The following CFDP1 variants were observed in gnomAD, a reference collection of about 807,000 sequenced individuals.
The protein encoded by CFDP1 is chromatin remodeling protein CFDP1, also known as heterochromatin-stabilizing protein CFDP1.
A neutral mutation model predicts 40.1 loss-of-function variants in CFDP1; 31 were observed. The ratio of observed to expected loss-of-function variants is 0.77; its 90% CI spans 0.58 to 1.04. CFDP1 has a LOEUF of 1.04. CFDP1 is among the 50% of genes least tolerant of loss of function. CFDP1 has a pLI of 0.00. For missense variants in CFDP1, 423 were observed against 343.4 expected (o/e 1.23, Z -1.83); for synonymous variants, 167 against 120.0 (o/e 1.39, Z -2.56).
intron 5 of CFDP1, among the ~76,000 whole-genome samples, chr16:75,343,552 C>G (rs116966095): frequency 0.044 from 6,765 of 152,264 alleles, 191 homozygotes; most frequent in South Asian, 0.11. Flanking sequence ...AACAGCTAGG[C>G]CAATTCCCAG....
chr16:75,303,126 G>T (rs2078232440), intron 6 of CFDP1, among the ~76,000 whole-genome samples: 1 of 148,468 alleles, frequency 6.7e-6, no homozygotes, highest in Admixed American at 6.7e-5. Context: ...CTTGAACCCG[G>T]CAGGCAGAGG....
intron 5 of CFDP1, among the ~76,000 whole-genome samples, chr16:75,348,118 A>G (rs779637780): frequency 6.6e-6 from 1 of 152,114 alleles, no homozygotes; most frequent in Non-Finnish European, 1.5e-5. Context: ...ACCAATGTTA[A>G]TTTCTTTCTT....
chr16:75,413,552 C>CAA (rs9331624), intron 2 of CFDP1, among the ~76,000 whole-genome samples: 13 of 90,446 alleles, frequency 1.4e-4, no homozygotes, highest in South Asian at 3.8e-4. Context: ...GACTCTGTCT[C>CAA]AAAAAAAAAA....
At chr16:75,300,350 T>C (rs1042557311) in intron 6 of CFDP1, among the ~76,000 whole-genome samples, 2 of 152,176 alleles carry the variant, frequency 1.3e-5, no homozygotes, top group African/African-American at 4.8e-5. Flanking sequence ...TGCAACAGCA[T>C]GATCTTGGCT....
At position 75,422,488 on chromosome 16, in the gene CFDP1, G is replaced by A. The variant is rs556607087; in HGVS notation, c.65-7793C>T. Among the ~76,000 whole-genome samples, 22 of 148,710 alleles carry A rather than the reference G, an allele frequency of 1.5e-4. 1 individual carries two copies. Among genetic ancestry groups the A allele is most frequent in the African/African-American group, 3.8e-4 (15 of 39,958 alleles). ...GATCTTGGCTCACTACGATCCTCCC[G>A]GGTTCAAGTGATTCTCCTGCCTCAG... On this transcript the variant is annotated intron_variant, in intron 1 of 6. Transcript: ENST00000283882.
At chr16:75,302,293 CTCT>C (rs1165771377) in intron 6 of CFDP1, among the ~76,000 whole-genome samples, 6 of 152,110 alleles carry the variant, frequency 3.9e-5, no homozygotes, top group Non-Finnish European at 7.3e-5. Flanking sequence ...CAGGGTCTCA[CTCT>C]TTCACCCAAG....
chr16:75,309,160 C>G (rs538090916), intron 5 of CFDP1, among the ~76,000 whole-genome samples: 2 of 152,290 alleles, frequency 1.3e-5, no homozygotes, highest in African/African-American at 4.8e-5. Context: ...TGTGGGCTCC[C>G]TCAGGGTTCT....
intron 5 of CFDP1, among the ~76,000 whole-genome samples, chr16:75,340,271 A>C (rs2078517835): frequency 6.6e-6 from 1 of 152,210 alleles, no homozygotes; most frequent in Non-Finnish European, 1.5e-5. Flanking sequence ...GACATCACCA[A>C]CAATCAATCA....
At chr16:75,324,408 G>GA (rs1415801450) in intron 5 of CFDP1, among the ~76,000 whole-genome samples, 3 of 151,924 alleles carry the variant, frequency 2.0e-5, no homozygotes, top group African/African-American at 7.3e-5. Flanking sequence ...CTTGTGTTAT[G>GA]AAAAAAACTC....
chr16:75,404,683 A>G (rs952154315), intron 4 of CFDP1, among the ~76,000 whole-genome samples: 5 of 152,024 alleles, frequency 3.3e-5, no homozygotes, highest in African/African-American at 1.2e-4. Context: ...ACATTATGCA[A>G]TACAAATGGC....
chr16:75,412,506 G>T (rs2079171649), intron 3 of CFDP1, 29 bp downstream of exon 3: 3 of 1,511,466 alleles, frequency 2.0e-6, no homozygotes, highest in South Asian at 2.2e-5. Context: ...TTCTGGAGAG[G>T]CATTCACCTC....
At chr16:75,366,499 T>C (rs994888302) in intron 5 of CFDP1, among the ~76,000 whole-genome samples, 1 of 152,064 alleles carries the variant, frequency 6.6e-6, no homozygotes, top group Non-Finnish European at 1.5e-5. Flanking sequence ...GGCACACGCC[T>C]GTAATCCCAG....
Position 75,293,898 on chromosome 16 carries a change from C to T in CFDP1, c.*54G>A. 6.9e-7 allele frequency: 1 copy of T among 1,440,872 alleles called. No homozygotes were observed. Among genetic ancestry groups the T allele is most frequent in the Non-Finnish European group, 9.7e-7 (1 of 1,026,394 alleles). The allele number at this position is 1,440,872 out of a possible 1,614,324, so 89.3% of individuals were successfully genotyped here. On this transcript the variant is annotated 3_prime_UTR_variant, in exon 7 of 7. Coordinates refer to ENST00000283882, the MANE Select transcript of CFDP1 (RefSeq NM_006324.3). ...CACTGTAAAACATTTCACAGACGCA[C>T]AAAAAGCTCACATTGTAAACAGGAT...
intron 5 of CFDP1, among the ~76,000 whole-genome samples, chr16:75,316,982 C>CA (rs201585961): frequency 1.3e-5 from 2 of 150,854 alleles, no homozygotes; most frequent in African/African-American, 4.9e-5. Context: ...AACTCCGTCT[C>CA]AAAAAAAGAT....
intron 5 of CFDP1, among the ~76,000 whole-genome samples, chr16:75,309,947 C>G (rs1046213074): frequency 1.3e-5 from 2 of 152,092 alleles, no homozygotes; most frequent in African/African-American, 4.8e-5. Flanking sequence ...AGACCACTCT[C>G]CAGACAACAG....
At chr16:75,315,836 T>C (rs867643188) in intron 5 of CFDP1, among the ~76,000 whole-genome samples, 70 of 152,262 alleles carry the variant, frequency 4.6e-4, no homozygotes, top group African/African-American at 1.6e-3. Context: ...CAGTCCAATA[T>C]AAAGTCCAGG....
rs1403664424 is a variant in CFDP1 at position 75,399,080 on chromosome 16, G to C, written c.531-3871C>G. On this transcript the variant is annotated intron_variant, in intron 4 of 6. Coordinates refer to ENST00000283882, the MANE Select transcript of CFDP1 (RefSeq NM_006324.3). ...TCAAAAAAAAAAAAAAAAAAAAAAA[G>C]AAAACCTGTGAAGTGGTTCCACACT... Among the ~76,000 whole-genome samples the C allele has an allele frequency of 7.9e-5, 9 of 113,244 alleles. No individual in the cohort carries two copies. The South Asian group carries it at 2.5e-3, about 32-fold the overall frequency. 74.3% of individuals were successfully genotyped at this position (113,244 alleles called of 152,430 possible). A position where few individuals can be genotyped will look rare whatever the true frequency, so the allele number is the denominator to read the frequency against.
intron 5 of CFDP1, among the ~76,000 whole-genome samples, chr16:75,392,490 A>G (rs1401337451): frequency 6.6e-6 from 1 of 152,170 alleles, no homozygotes; most frequent in Non-Finnish European, 1.5e-5. Context: ...AAATTCTATA[A>G]AACATTATTT....
intron 5 of CFDP1, among the ~76,000 whole-genome samples, chr16:75,352,297 C>T (rs937089920): frequency 2.0e-5 from 3 of 151,808 alleles, no homozygotes; most frequent in Non-Finnish European, 2.9e-5. Flanking sequence ...GTCGAGATCA[C>T]GCCACAGCAC....
Sources: allele counts gnomAD v4.1 joint callset (sites outside exome capture counted in the v4.1 genomes callset), GRCh38; gene constraint gnomAD v4.1.1; transcripts MANE v1.5; gene names NCBI Gene and HGNC (gene_info 2026-07-23, HGNC 2026-07-21).